KDM4A: variants seen among roughly 807,000 people sequenced by gnomAD.
The protein encoded by KDM4A is lysine-specific demethylase 4A.
Under a neutral mutation model 127.1 loss-of-function variants are expected in KDM4A, and 23 were observed. The observed-to-expected ratio is 0.18, with a 90% confidence interval of 0.13 to 0.26. The LOEUF (loss-of-function observed/expected upper bound fraction) is 0.26, where lower values mean the gene tolerates loss of function less well. KDM4A is among the 10% of genes least tolerant of loss of function. The pLI, the probability that KDM4A is intolerant of heterozygous loss-of-function variation, is 1.00. For missense variants in KDM4A, 890 were observed against 1,329.1 expected (o/e 0.67, Z 5.14); for synonymous variants, 443 against 466.5 (o/e 0.95, Z 0.65).
chr1:43,651,621 A>G (rs938633413), intron 1 of KDM4A, among the ~76,000 whole-genome samples: 3 of 152,002 alleles, frequency 2.0e-5, no homozygotes, highest in African/African-American at 7.2e-5. Context: ...CTGAACCGCC[A>G]TACCTTTGGG....
At chr1:43,669,838 C>T (rs1007601014) in intron 10 of KDM4A, among the ~76,000 whole-genome samples, 12 of 151,670 alleles carry the variant, frequency 7.9e-5, no homozygotes, top group African/African-American at 1.9e-4. Context: ...TTTTTAGTAG[C>T]GATGGGGTTT....
chr1:43,704,767 ATATG>A lies in KDM4A; in HGVS notation c.*399_*402del, dbSNP rs752785489. The stretch of plus-strand genomic sequence containing the variant: ...TGCCCCAACCCCTACTTTTGTATTT[ATATG>A]TGTGTGTGTGTGTGCGTGCGTGCGT... On this transcript the variant is annotated 3_prime_UTR_variant, in exon 22 of 22. Coordinates refer to ENST00000372396, the MANE Select transcript of KDM4A (RefSeq NM_014663.3). The A allele has an allele frequency of 4.2e-6, 1 of 235,940 alleles. No individual in the cohort carries two copies. The highest frequency in any genetic ancestry group is 8.3e-6 in the Non-Finnish European group (1 of 120,224). 14.6% of individuals were successfully genotyped at this position (235,940 alleles called of 1,614,324 possible).
At position 43,662,877 on chromosome 1, in the gene KDM4A, T is replaced by C. The variant is rs945193302; in HGVS notation, c.430-17T>C. On this transcript the variant is annotated splice_polypyrimidine_tract_variant and intron_variant, in intron 4 of 21. Coordinates refer to ENST00000372396, the MANE Select transcript of KDM4A (RefSeq NM_014663.3). Reference sequence around the variant, plus strand: ...TATGCAAATGTAACTTGCCCTGGACTGTCATTGCCTTTGCAGCATGTTGAT... The same window carrying C: ...TATGCAAATGTAACTTGCCCTGGACCGTCATTGCCTTTGCAGCATGTTGAT... The C allele has an allele frequency of 1.3e-6, 2 of 1,589,988 alleles. No homozygotes were observed. Among genetic ancestry groups the C allele is most frequent in the Non-Finnish European group, 1.7e-6 (2 of 1,164,458 alleles).
intron 1 of KDM4A, among the ~76,000 whole-genome samples, chr1:43,652,679 C>CTTTTTTTTTTTT (rs771216218): frequency 4.2e-5 from 5 of 118,764 alleles, no homozygotes; most frequent in East Asian, 2.4e-4. Flanking sequence ...TTCTTTCTTT[C>CTTTTTTTTTTTT]TTTTTTTTTT....
chr1:43,692,444 G>T (rs1284546000), intron 16 of KDM4A, 133 bp downstream of exon 16: 3 of 751,912 alleles, frequency 4.0e-6, no homozygotes, highest in Non-Finnish European at 6.6e-6. Context: ...AGCAGGAATA[G>T]CATCTCCAAG....
intron 10 of KDM4A, among the ~76,000 whole-genome samples, chr1:43,671,212 G>C (rs1660610870): frequency 6.6e-6 from 1 of 152,220 alleles, no homozygotes; most frequent in South Asian, 2.1e-4. Context: ...AGACTTTGGA[G>C]GAAATGGCAG....
At chr1:43,659,507 C>A (rs777203825) in intron 3 of KDM4A, among the ~76,000 whole-genome samples, 13 of 151,982 alleles carry the variant, frequency 8.6e-5, no homozygotes, top group African/African-American at 2.2e-4. Flanking sequence ...TTAGTAGAGA[C>A]CAGGTTTCAC....
intron 12 of KDM4A, 65 bp downstream of exon 12, chr1:43,683,869 A>G: frequency 6.3e-7 from 1 of 1,583,164 alleles, no homozygotes; most frequent in African/African-American, 1.4e-5. Context: ...ACAGGACAGG[A>G]CATCAGAAGG....
chr1:43,655,558 C>A (rs750102810), intron 2 of KDM4A, 33 bp from the exon 3 acceptor site: 3 of 1,563,790 alleles, frequency 1.9e-6, no homozygotes, highest in African/African-American at 1.4e-5. Context: ...CCAGGTTTCT[C>A]ATCTGTCTTT....
intron 11 of KDM4A, among the ~76,000 whole-genome samples, chr1:43,672,913 C>CAGATGAA (rs1326789167): frequency 6.6e-6 from 1 of 152,142 alleles, no homozygotes; most frequent in Admixed American, 6.5e-5. Context: ...ATGAGATGAC[C>CAGATGAA]TTTCTTACCT....
chr1:43,680,028 C>T (rs573527631), intron 11 of KDM4A, among the ~76,000 whole-genome samples: 1 of 152,254 alleles, frequency 6.6e-6, no homozygotes, highest in African/African-American at 2.4e-5. Flanking sequence ...GTTGGTCGAA[C>T]CCTGACCTTT....
chr1:43,704,627 T>G lies in KDM4A; in HGVS notation c.*257T>G. 1 of 483,046 alleles carries G rather than the reference T, an allele frequency of 2.1e-6. No homozygotes were observed. The highest frequency in any genetic ancestry group is 3.7e-6 in the Non-Finnish European group (1 of 270,144). 29.9% of individuals were successfully genotyped at this position (483,046 alleles called of 1,614,324 possible). A position where few individuals can be genotyped will look rare whatever the true frequency, so the allele number is the denominator to read the frequency against. On this transcript the variant is annotated 3_prime_UTR_variant, in exon 22 of 22. Transcript: ENST00000372396. ...GAGCACTGGAATGCTGTGGCTGCAC[T>G]GGCCCCAGTCCATAGAGGGGTCAAC...
Position 43,691,061 on chromosome 1 carries a change from T to C in KDM4A, c.2242+12T>C. ...CCGGGTCCATGCCAGTGAGTGCTGC[T>C]CACCTTTCTCTGTGTCCTGTCCCAG... On this transcript the variant is annotated intron_variant, in intron 14 of 21. Transcript: ENST00000372396. 1.2e-6 allele frequency: 2 copies of C among 1,613,328 alleles called. No individual in the cohort carries two copies. The highest frequency in any genetic ancestry group is 2.2e-5 in the South Asian group (2 of 91,046).
At chr1:43,655,881 C>T (rs1660225357) in intron 3 of KDM4A, 115 bp downstream of exon 3, 4 of 777,282 alleles carry the variant, frequency 5.1e-6, no homozygotes, top group Non-Finnish European at 7.6e-6. Context: ...CAGGATGGCT[C>T]TGTTCTAGCT....
intron 10 of KDM4A, among the ~76,000 whole-genome samples, chr1:43,669,649 ATT>A (rs35764940): frequency 8.5e-5 from 12 of 141,086 alleles, no homozygotes; most frequent in African/African-American, 7.8e-5. Context: ...GGAGATGGGA[ATT>A]TTTTTTTTTT....
chr1:43,658,650 CCCG>C (rs1481954488), intron 3 of KDM4A, among the ~76,000 whole-genome samples: 1 of 151,472 alleles, frequency 6.6e-6, no homozygotes, highest in East Asian at 2.0e-4. Context: ...ACTATAGGCG[CCCG>C]CCACACCACC....
intron 11 of KDM4A, among the ~76,000 whole-genome samples, chr1:43,675,972 C>CTG (rs957785940): frequency 2.6e-5 from 4 of 151,228 alleles, no homozygotes; most frequent in Admixed American, 2.0e-4. Context: ...GCTTGGGAGG[C>CTG]TGAGGCAGGA....
intron 6 of KDM4A, chr1:43,666,214 G>C: frequency 4.0e-6 from 2 of 499,680 alleles, no homozygotes; most frequent in South Asian, 6.3e-5. Context: ...GAGGCAGCTT[G>C]GGTGACCTTG....
At position 43,693,940 on chromosome 1, in the gene KDM4A, G is replaced by T. The variant is rs773756889; in HGVS notation, c.2376-54G>T. ...CGCTGTCAGCAGGCCCAAAAGAGAA[G>T]GCCACAGAGCCTTGGGCCCAGAGGT... is the stretch of plus-strand genomic sequence containing the variant. On this transcript the variant is annotated intron_variant, in intron 16 of 21. Transcript: ENST00000372396. The surrounding 1 kb of genome is among the most constrained non-coding windows in gnomAD (Gnocchi z 4.2). 1 of 1,476,948 alleles carries T rather than the reference G, an allele frequency of 6.8e-7. No individual in the cohort carries two copies. Among genetic ancestry groups the T allele is most frequent in the African/African-American group, 1.4e-5 (1 of 72,050 alleles). The allele number at this position is 1,476,948 out of a possible 1,614,324, so 91.5% of individuals were successfully genotyped here.
Sources: gnomAD v4.1 joint callset for allele counts (sites outside exome capture counted in the v4.1 genomes callset) on GRCh38, gnomAD v4.1.1 for gene constraint, Gnocchi (gnomAD v3.1) non-coding constraint, MANE v1.5 for transcripts, NCBI Gene and HGNC (gene_info 2026-07-23, HGNC 2026-07-21) for gene names.